Variants in RBFOX1 observed in about 807,000 individuals in gnomAD.
The protein encoded by RBFOX1 is RNA binding protein fox-1 homolog 1.
RBFOX1 carries 8 observed loss-of-function variants against 57.7 expected under a neutral mutation model. The observed-to-expected ratio is 0.14, with a 90% CI of 0.08 to 0.25. The LOEUF is 0.25. Ranked by LOEUF, RBFOX1 falls within the 10% of genes least tolerant of loss-of-function variation. The pLI, the probability that RBFOX1 is intolerant of heterozygous loss-of-function variation, is 1.00. For synonymous variants in RBFOX1, 326 were observed against 222.4 expected (o/e 1.47, Z -4.15); for missense variants, 611 against 548.5 (o/e 1.11, Z -1.14).
intron 2 of RBFOX1, among the ~76,000 whole-genome samples, chr16:6,584,087 G>A (rs1413525060): frequency 6.6e-6 from 1 of 151,454 alleles, no homozygotes; most frequent in South Asian, 2.1e-4. Flanking sequence ...AATACTGAAA[G>A]ACCATTCAGA....
intron 2 of RBFOX1, among the ~76,000 whole-genome samples, chr16:6,479,897 A>G (rs188856242): frequency 6.6e-6 from 1 of 151,754 alleles, no homozygotes; most frequent in Non-Finnish European, 1.5e-5. Context: ...TAAAAATACA[A>G]AAAATTAGTT....
In RBFOX1 at chr16:7,021,865, A is replaced by C. The variant is rs189801700; in HGVS notation, c.-15-30192A>C. On this transcript the variant is annotated intron_variant, in intron 3 of 15. Transcript: ENST00000550418. ...GGTATTATCTTCATTCTAAATTGCC[A>C]GAACCTTCTTTCTCTCTCTTTCTTT... is the stretch of plus-strand genomic sequence containing the variant. 7.9e-4 allele frequency among the ~76,000 whole-genome samples: 120 copies of C among 151,236 alleles called. 2 individuals carry two copies. In the East Asian group the frequency reaches 0.021, roughly 26 times the overall value.
At position 6,115,505 on chromosome 16, in the gene RBFOX1, G is replaced by A. The variant is rs566561166; in HGVS notation, c.-127+95513G>A. Among the ~76,000 whole-genome samples the A allele has an allele frequency of 1.3e-4, 20 of 152,286 alleles. No homozygotes were observed. In the South Asian group the frequency reaches 3.9e-3, roughly 30 times the overall value. On this transcript the variant is annotated intron_variant, in intron 1 of 15. Transcript: ENST00000550418. ...GTGCATATTGGCTGGCCCAAGGGGT[G>A]GGCTATAGTGAGATCTGTACTTGTC...
chr16:6,970,051 A>C (rs1290716701), intron 3 of RBFOX1, among the ~76,000 whole-genome samples: 1 of 151,378 alleles, frequency 6.6e-6, no homozygotes, highest in Non-Finnish European at 1.5e-5. Flanking sequence ...GGTGGCATAC[A>C]CCTGTAGTTC....
At chr16:5,443,789 A>G (rs2068158376) in intron 1 of RBFOX1, among the ~76,000 whole-genome samples, 2 of 152,206 alleles carry the variant, frequency 1.3e-5, no homozygotes, top group South Asian at 2.1e-4. Flanking sequence ...ACATACATTC[A>G]TTTGAAAATA....
intron 4 of RBFOX1, among the ~76,000 whole-genome samples, chr16:7,503,362 C>T (rs900254436): frequency 3.3e-5 from 5 of 152,108 alleles, no homozygotes; most frequent in African/African-American, 4.8e-5. Context: ...CACATTCGAT[C>T]GATCAATTTC....
intron 3 of RBFOX1, among the ~76,000 whole-genome samples, chr16:5,668,441 A>G (rs934774090): frequency 2.0e-5 from 3 of 152,310 alleles, no homozygotes; most frequent in South Asian, 2.1e-4. Context: ...CTTCAAAAAG[A>G]CTTCACTGGT....
chr16:6,477,704 T>C (rs926165420), intron 2 of RBFOX1, among the ~76,000 whole-genome samples: 1 of 152,260 alleles, frequency 6.6e-6, no homozygotes, highest in African/African-American at 2.4e-5. Flanking sequence ...CCTTTGAAGC[T>C]TTAAAGCCAG....
intron 1 of RBFOX1, among the ~76,000 whole-genome samples, chr16:6,113,716 C>T (rs1050109298): frequency 2.3e-4 from 35 of 152,234 alleles, no homozygotes; most frequent in Non-Finnish European, 7.3e-5. Context: ...GCTTCACCCA[C>T]ATTTGGAGTT....
rs1555582266 is a variant in RBFOX1, at chr16:6,256,175, A to ATATG, written c.-126-60817_-126-60816insGTAT. 2.3e-3 allele frequency among the ~76,000 whole-genome samples: 66 copies of ATATG among 28,322 alleles called. 15 individuals are homozygous for ATATG. Among genetic ancestry groups the ATATG allele is most frequent in the African/African-American group, 5.3e-3 (62 of 11,602 alleles). The allele number at this position is 28,322 out of a possible 152,430, so 18.6% of individuals were successfully genotyped here. A position where few individuals can be genotyped will look rare whatever the true frequency, so the allele number is the denominator to read the frequency against. On this transcript the variant is annotated intron_variant, in intron 1 of 15. Coordinates refer to ENST00000550418, the MANE Select transcript of RBFOX1 (RefSeq NM_018723.4). ...TATATATATGTATATATATATGTAT[A>ATATG]TATATATATACGTATATATATGTAT...
At chr16:6,558,111 A>C (rs543503008) in intron 2 of RBFOX1, among the ~76,000 whole-genome samples, 2 of 152,316 alleles carry the variant, frequency 1.3e-5, no homozygotes, top group East Asian at 3.9e-4. Flanking sequence ...TATGTACTCC[A>C]AATCAGTGCT....
intron 2 of RBFOX1, among the ~76,000 whole-genome samples, chr16:6,541,641 C>G (rs374241211): frequency 3.3e-5 from 5 of 152,116 alleles, no homozygotes; most frequent in African/African-American, 1.2e-4. Context: ...CTCAGTGACA[C>G]CTAGGTGGAA....
At chr16:7,472,685 AG>A in intron 4 of RBFOX1, among the ~76,000 whole-genome samples, 1 of 152,356 alleles carries the variant, frequency 6.6e-6, no homozygotes, top group South Asian at 2.1e-4. Flanking sequence ...TTAATAAACA[AG>A]CATATTCACA....
intron 4 of RBFOX1, among the ~76,000 whole-genome samples, chr16:5,943,405 T>G (rs2059322162): frequency 6.6e-6 from 1 of 152,166 alleles, no homozygotes; most frequent in Non-Finnish European, 1.5e-5. Context: ...CATACCCAGG[T>G]GCTCGTTTAA....
chr16:5,621,783 C>T (rs148016977), intron 3 of RBFOX1, among the ~76,000 whole-genome samples: 1 of 152,250 alleles, frequency 6.6e-6, no homozygotes, highest in African/African-American at 2.4e-5. Context: ...GTGAAACCAT[C>T]ATGTGGGTAC....
intron 3 of RBFOX1, among the ~76,000 whole-genome samples, chr16:7,013,007 G>GGA (rs145239565): frequency 1.4e-4 from 21 of 152,018 alleles, no homozygotes; most frequent in African/African-American, 1.9e-4. Context: ...GTGTACAGGT[G>GGA]GAGAGAGAGA....
intron 4 of RBFOX1, among the ~76,000 whole-genome samples, chr16:7,414,758 C>T (rs1386138270): frequency 6.6e-6 from 1 of 152,164 alleles, no homozygotes; most frequent in Admixed American, 6.5e-5. Context: ...GCTGGGATTA[C>T]AGGCGTGTGC....
At chr16:7,376,858 A>G (rs2097694436) in intron 4 of RBFOX1, among the ~76,000 whole-genome samples, 1 of 152,150 alleles carries the variant, frequency 6.6e-6, no homozygotes, top group Non-Finnish European at 1.5e-5. Context: ...ATCTCTCTTG[A>G]AACATAAAAC....
chr16:7,419,700 G>T (rs1453033001), intron 4 of RBFOX1, among the ~76,000 whole-genome samples: 2 of 152,216 alleles, frequency 1.3e-5, no homozygotes, highest in South Asian at 2.1e-4. Context: ...CCCTCCAGTA[G>T]TTCCTGTTTT....
Sources: allele counts gnomAD v4.1 joint callset (sites outside exome capture counted in the v4.1 genomes callset), GRCh38; gene constraint gnomAD v4.1.1; transcripts MANE v1.5; gene names NCBI Gene and HGNC (gene_info 2026-07-23, HGNC 2026-07-21).